ERBB4: variants seen among roughly 807,000 people sequenced by gnomAD.
ERBB4 encodes erb-b2 receptor tyrosine kinase 4, also known as receptor tyrosine-protein kinase erbB-4.
ERBB4 carries 42 observed loss-of-function variants against 158.0 expected under a neutral mutation model. That is an observed-to-expected ratio of 0.27 (90% confidence interval 0.21 to 0.34). The LOEUF is 0.34. Among genes scored for constraint, ERBB4 ranks in the 10% least tolerant of loss-of-function variants. The pLI, the probability that ERBB4 is intolerant of heterozygous loss-of-function variation, is 1.00. For synonymous variants in ERBB4, 583 were observed against 558.7 expected (o/e 1.04, Z -0.61); for missense variants, 1,333 against 1,624.1 (o/e 0.82, Z 3.08).
chr2:212,075,772 T>G (rs918416182), intron 2 of ERBB4, among the ~76,000 whole-genome samples: 1 of 151,926 alleles, frequency 6.6e-6, no homozygotes, highest in Non-Finnish European at 1.5e-5. Flanking sequence ...GTATTTTCAA[T>G]GTAATCTCAT....
intron 12 of ERBB4, among the ~76,000 whole-genome samples, chr2:211,683,648 G>A (rs570075636): frequency 1.7e-4 from 26 of 151,630 alleles, no homozygotes; most frequent in South Asian, 1.0e-3. Flanking sequence ...AAACATTTGT[G>A]TATATGATTT....
At chr2:211,650,826 A>C (rs2070954438) in intron 16 of ERBB4, among the ~76,000 whole-genome samples, 1 of 152,188 alleles carries the variant, frequency 6.6e-6, no homozygotes, top group Non-Finnish European at 1.5e-5. Flanking sequence ...GATATAACAC[A>C]TTATTAATAA....
At chr2:211,652,312 A>C (rs776711135) in intron 16 of ERBB4, among the ~76,000 whole-genome samples, 19 of 152,156 alleles carry the variant, frequency 1.2e-4, no homozygotes, top group Non-Finnish European at 2.4e-4. Context: ...TTCCAAAGTA[A>C]ATTTAATATA....
chr2:212,394,643 T>G (rs1354643998), intron 1 of ERBB4, among the ~76,000 whole-genome samples: 1 of 152,154 alleles, frequency 6.6e-6, no homozygotes, highest in African/African-American at 2.4e-5. Context: ...TTCTTCCACG[T>G]GCTTCCATGT....
At chr2:211,471,063 T>A (rs374572409) in intron 20 of ERBB4, among the ~76,000 whole-genome samples, 1 of 152,096 alleles carries the variant, frequency 6.6e-6, no homozygotes, top group Non-Finnish European at 1.5e-5. Flanking sequence ...GAAAGTAGTA[T>A]GGCTACCGAA....
At chr2:211,863,116 A>C (rs1968533) in intron 3 of ERBB4, among the ~76,000 whole-genome samples, 37,646 of 148,294 alleles carry the variant, frequency 0.25, 5,571 homozygotes, top group East Asian at 0.41. Context: ...ACAAATCAGC[A>C]CTCTGTAAAA....
intron 1 of ERBB4, among the ~76,000 whole-genome samples, chr2:212,522,177 G>A (rs544330486): frequency 6.6e-6 from 1 of 151,850 alleles, no homozygotes; most frequent in East Asian, 1.9e-4. Context: ...ACCTGCACAA[G>A]TGTGGCCATT....
intron 2 of ERBB4, among the ~76,000 whole-genome samples, chr2:212,097,568 A>T (rs2078966925): frequency 6.6e-6 from 1 of 152,184 alleles, no homozygotes; most frequent in Non-Finnish European, 1.5e-5. Context: ...TTATACAGAA[A>T]GGAGATGCAT....
chr2:211,515,912 A>ATATATATATATATATTTTTT (rs35696520), intron 20 of ERBB4, among the ~76,000 whole-genome samples: 4 of 78,984 alleles, frequency 5.1e-5, no homozygotes, highest in Non-Finnish European at 7.2e-5. Flanking sequence ...ATATATATAT[A>ATATATATATATATATTTTTT]TTTTTTTTTT....
chr2:212,260,152 C>T (rs1231146717), intron 1 of ERBB4, among the ~76,000 whole-genome samples: 5 of 151,782 alleles, frequency 3.3e-5, no homozygotes, highest in African/African-American at 1.2e-4. Context: ...AAATATCCAC[C>T]TTAAAGGAGA....
chr2:212,366,886 C>T (rs1306452102), intron 1 of ERBB4, among the ~76,000 whole-genome samples: 1 of 151,590 alleles, frequency 6.6e-6, no homozygotes, highest in African/African-American at 2.4e-5. Flanking sequence ...TAAATGAATC[C>T]AAAATTGATA....
intron 1 of ERBB4, among the ~76,000 whole-genome samples, chr2:212,518,154 A>T (rs1691946501): frequency 6.6e-6 from 1 of 152,092 alleles, no homozygotes; most frequent in African/African-American, 2.4e-5. Flanking sequence ...ACCATAAATC[A>T]GTCTAAAACA....
chr2:212,507,569 T>C (rs1452568059), intron 1 of ERBB4, among the ~76,000 whole-genome samples: 1 of 152,066 alleles, frequency 6.6e-6, no homozygotes, highest in African/African-American at 2.4e-5. Flanking sequence ...TCGGAAGAAG[T>C]TGATTTCAAC....
intron 1 of ERBB4, among the ~76,000 whole-genome samples, chr2:212,166,276 G>A (rs1046774943): frequency 2.6e-5 from 4 of 152,038 alleles, no homozygotes; most frequent in East Asian, 1.9e-4. Context: ...GGAAATCACT[G>A]AGGATATGCT....
intron 1 of ERBB4, among the ~76,000 whole-genome samples, chr2:212,243,769 C>G (rs2084205239): frequency 6.6e-6 from 1 of 151,884 alleles, no homozygotes. Context: ...ATGCCACCAT[C>G]GATGGAATAA....
chr2:212,197,699 T>C (rs1431164132), intron 1 of ERBB4, among the ~76,000 whole-genome samples: 1 of 152,176 alleles, frequency 6.6e-6, no homozygotes, highest in African/African-American at 2.4e-5. Context: ...AGCCATTTCC[T>C]GTTTTAGAAG....
intron 3 of ERBB4, among the ~76,000 whole-genome samples, chr2:211,793,743 C>T (rs1025307723): frequency 6.6e-6 from 1 of 151,894 alleles, no homozygotes; most frequent in African/African-American, 2.4e-5. Context: ...AAACCCAGAC[C>T]TTTCAGCTGG....
At chr2:211,447,874 C>A (rs1246344699) in intron 20 of ERBB4, among the ~76,000 whole-genome samples, 2 of 152,150 alleles carry the variant, frequency 1.3e-5, no homozygotes, top group Non-Finnish European at 2.9e-5. Context: ...AAAGTCTGTA[C>A]AAAACTGAAC....
intron 3 of ERBB4, among the ~76,000 whole-genome samples, chr2:211,830,802 C>T (rs1042116883): frequency 7.2e-5 from 11 of 151,940 alleles, no homozygotes; most frequent in African/African-American, 2.2e-4. Flanking sequence ...ATTTCATCTA[C>T]GTGATCTTTT....
Sources: allele counts gnomAD v4.1 joint callset (sites outside exome capture counted in the v4.1 genomes callset), GRCh38; gene constraint gnomAD v4.1.1; transcripts MANE v1.5; gene names NCBI Gene and HGNC (gene_info 2026-07-23, HGNC 2026-07-21).